The following GJA8 variants were observed in gnomAD, a reference collection of about 807,000 sequenced individuals.
The protein encoded by GJA8 is gap junction alpha-8 protein.
In GJA8, 13 loss-of-function variants were observed where a neutral mutation model predicts 15.3. The observed-to-expected ratio is 0.85, with a 90% CI of 0.55 to 1.35. The LOEUF is 1.35. GJA8 is among the 40% of genes most tolerant of loss of function. The pLI is 0.00. For synonymous variants in GJA8, 304 were observed against 238.7 expected (o/e 1.27, Z -2.52); for missense variants, 607 against 553.3 (o/e 1.10, Z -0.97).
downstream of GJA8, among the ~76,000 whole-genome samples, chr1:147,913,145 T>A (rs1652245781): frequency 6.6e-6 from 1 of 152,100 alleles, no homozygotes; most frequent in African/African-American, 2.4e-5. Context: ...CTATGTTAGT[T>A]GAGGATGATA....
Position 147,909,200 on chromosome 1 carries a change from C to T in GJA8, c.1245C>T (p.Pro415=). The change falls in exon 2 of 2, where the codon CCC becomes CCT. Residue 415 remains proline, a synonymous_variant. Transcript: ENST00000369235. ...CPELTTDDAR[P]LSRLSKASSR... Reference sequence around the variant, plus strand: ...AGCTGACAACAGATGATGCCAGACCCCTGAGCAGGCTAAGCAAAGCCAGCA... The same window carrying T: ...AGCTGACAACAGATGATGCCAGACCTCTGAGCAGGCTAAGCAAAGCCAGCA... 6.2e-7 allele frequency: 1 copy of T among 1,613,500 alleles called. No individual in the cohort carries two copies. The highest frequency in any genetic ancestry group is 8.5e-7 in the Non-Finnish European group (1 of 1,179,690).
downstream of GJA8, among the ~76,000 whole-genome samples, chr1:147,912,865 A>T (rs1553243643): frequency 6.6e-6 from 1 of 151,536 alleles, no homozygotes; most frequent in East Asian, 1.9e-4. Context: ...CTGGCTGTGT[A>T]AACCCTGGCC....
intron 1 of GJA8, among the ~76,000 whole-genome samples, chr1:147,904,560 A>C (rs1274855957): frequency 1.3e-5 from 2 of 152,182 alleles, no homozygotes; most frequent in African/African-American, 4.8e-5. Context: ...CTGTTCACTA[A>C]ATTTTCACAA....
chr1:147,909,371 T>C (rs2149016795), downstream of GJA8: 4 of 829,970 alleles, frequency 4.8e-6, no homozygotes, highest in Middle Eastern at 5.9e-4. Flanking sequence ...CAGCCTCTGG[T>C]TGGACAGGCA....
chr1:147,908,652 C>T lies in GJA8; in HGVS notation c.697C>T (p.Arg233Trp), dbSNP rs140512440. 93 of 1,614,112 alleles carry T rather than the reference C, an allele frequency of 5.8e-5. No individual in the cohort carries two copies. Among genetic ancestry groups the T allele is most frequent in the Admixed American group, 4.0e-4 (24 of 60,020 alleles). Residue 233 changes from arginine (R) to tryptophan (W), a missense_variant, in exon 2 of 2, where the codon CGG (arginine) becomes TGG (tryptophan). Arg to Trp is a moderately radical substitution (Grantham distance 101). Coordinates refer to ENST00000369235, the MANE Select transcript of GJA8 (RefSeq NM_005267.5). ...GGGCCACCTGGGCCTGAAGGGGATC[C>T]GGTCTGCCTTGAAGAGGCCTGTAGA... is the stretch of plus-strand genomic sequence containing the variant. ...ELGHLGLKGI[R>W]SALKRPVEQP...
At position 147,908,914 on chromosome 1, in the gene GJA8, T is replaced by C. The variant is rs1553242912; in HGVS notation, c.959T>C (p.Leu320Pro). ...GDLSRGYQET[L>P]PSYAQVGAQE... ...TTGTCCCGGGGCTACCAAGAGACAC[T>C]GCCTTCCTACGCTCAGGTGGGGGCA... Residue 320 changes from leucine to proline, a missense_variant, in exon 2 of 2, where the codon CTG (leucine) becomes CCG (proline). Transcript: ENST00000369235. 1 of 1,613,076 alleles carries C rather than the reference T, an allele frequency of 6.2e-7. No homozygotes were observed. Among genetic ancestry groups the C allele is most frequent in the Non-Finnish European group, 8.5e-7 (1 of 1,179,254 alleles).
At chr1:147,913,352 C>T (rs1005483091), downstream of GJA8, among the ~76,000 whole-genome samples, 4 of 152,040 alleles carry the variant, frequency 2.6e-5, no homozygotes, top group Admixed American at 2.6e-4. Context: ...GAGCCAATAA[C>T]TAAAGTAAGG....
chr1:147,908,113 T>C lies in GJA8; in HGVS notation c.158T>C (p.Val53Ala). Reference protein sequence around the residue: ...FVWGDEQSDFVCNTQQPGCEN... With the variant: ...FVWGDEQSDFACNTQQPGCEN... Reference sequence around the variant, plus strand: ...TGGGGGGATGAGCAATCCGACTTCGTGTGCAACACCCAGCAGCCTGGCTGC... The same window carrying C: ...TGGGGGGATGAGCAATCCGACTTCGCGTGCAACACCCAGCAGCCTGGCTGC... The change falls in exon 2 of 2, where the codon GTG becomes GCG. Residue 53 changes from valine to alanine, a missense_variant. Coordinates refer to ENST00000369235, the MANE Select transcript of GJA8 (RefSeq NM_005267.5). 6.2e-7 allele frequency: 1 copy of C among 1,614,242 alleles called. No individual in the cohort carries two copies. The highest frequency in any genetic ancestry group is 8.5e-7 in the Non-Finnish European group (1 of 1,180,042).
chr1:147,908,274 A>T lies in GJA8; in HGVS notation c.319A>T (p.Lys107Ter), dbSNP rs782548678. 6.2e-7 allele frequency: 1 copy of T among 1,614,170 alleles called. No individual in the cohort carries two copies. Among genetic ancestry groups the T allele is most frequent in the Non-Finnish European group, 8.5e-7 (1 of 1,180,022 alleles). Residue 107 changes from lysine (K) to a stop codon, truncating the protein, a stop_gained, in exon 2 of 2, where the codon AAA becomes TAA. Coordinates refer to ENST00000369235, the MANE Select transcript of GJA8 (RefSeq NM_005267.5). LOFTEE classifies it high-confidence loss of function. ...CTACGTCCGCATGGAGGAGAAGCGC[A>T]AAAGCCGCGAGGCGGAGGAGCTGGG... ...VHYVRMEEKR[K>*]SREAEELGQQ...
At chr1:147,902,898 C>A (rs1651659990) in intron 1 of GJA8, among the ~76,000 whole-genome samples, 37 bp downstream of exon 1, 1 of 152,172 alleles carries the variant, frequency 6.6e-6, no homozygotes, top group Admixed American at 6.6e-5. Context: ...TTGTAACCTT[C>A]CCCCCAATTG....
chr1:147,903,934 CTT>C (rs56033018), intron 1 of GJA8, among the ~76,000 whole-genome samples: 3 of 134,586 alleles, frequency 2.2e-5, no homozygotes, highest in Non-Finnish European at 1.5e-5. Flanking sequence ...TTTAATAACT[CTT>C]TTTTTTTTTT....
chr1:147,903,422 A>G (rs1651678392), intron 1 of GJA8, among the ~76,000 whole-genome samples: 1 of 152,158 alleles, frequency 6.6e-6, no homozygotes, highest in Non-Finnish European at 1.5e-5. Context: ...TAGAAACTAG[A>G]AAAGAGGCAC....
At chr1:147,913,914 C>T (rs1652279751), downstream of GJA8, among the ~76,000 whole-genome samples, 1 of 152,072 alleles carries the variant, frequency 6.6e-6, no homozygotes, top group Non-Finnish European at 1.5e-5. Context: ...GCGAAATAGG[C>T]AAGGAGACTT....
At chr1:147,911,995 T>C (rs186338894), downstream of GJA8, among the ~76,000 whole-genome samples, 302 of 152,252 alleles carry the variant, frequency 2.0e-3, no homozygotes, top group Non-Finnish European at 2.7e-3. Context: ...GTCTTCCCAA[T>C]AAAAGGAGAA....
At chr1:147,910,628 C>T (rs1199923918), downstream of GJA8, among the ~76,000 whole-genome samples, 1 of 152,180 alleles carries the variant, frequency 6.6e-6, no homozygotes, top group Non-Finnish European at 1.5e-5. Context: ...TTTCTTTATT[C>T]CCCTCTTGCA....
chr1:147,914,046 G>A (rs112280244), downstream of GJA8, among the ~76,000 whole-genome samples: 8 of 152,308 alleles, frequency 5.3e-5, 2 homozygotes, highest in African/African-American at 1.9e-4. Context: ...ATGAAAGACA[G>A]TTCACTCTCC....
Position 147,908,453 on chromosome 1 carries a change from C to T in GJA8, c.498C>T (p.Ile166=), listed in dbSNP as rs1435123500. 7 of 1,614,072 alleles carry T rather than the reference C, an allele frequency of 4.3e-6. No individual in the cohort carries two copies. The African/African-American group carries it at 6.7e-5, about 15-fold the overall frequency. Residue 166 remains isoleucine (I), a synonymous_variant, in exon 2 of 2, where the codon ATC becomes ATT. Coordinates refer to ENST00000369235, the MANE Select transcript of GJA8 (RefSeq NM_005267.5). ...IFKTLFEVGF[I]VGHYFLYGFR... Reference sequence around the variant, plus strand: ...AGACCCTCTTTGAAGTGGGCTTCATCGTGGGCCACTACTTCCTGTACGGGT... The same window carrying T: ...AGACCCTCTTTGAAGTGGGCTTCATTGTGGGCCACTACTTCCTGTACGGGT...
At chr1:147,911,644 C>T (rs587638153), downstream of GJA8, among the ~76,000 whole-genome samples, 6 of 152,196 alleles carry the variant, frequency 3.9e-5, no homozygotes, top group African/African-American at 1.4e-4. Context: ...TAACACAATC[C>T]GAGGCCTGAG....
At chr1:147,905,982 C>T (rs1651782128) in intron 1 of GJA8, among the ~76,000 whole-genome samples, 1 of 152,230 alleles carries the variant, frequency 6.6e-6, no homozygotes, top group Admixed American at 6.5e-5. Context: ...TGCTCTCCCA[C>T]AAGAAGCGAA....
Sources: gnomAD v4.1 joint callset for allele counts (sites outside exome capture counted in the v4.1 genomes callset) on GRCh38, gnomAD v4.1.1 for gene constraint, MANE v1.5 for transcripts, NCBI Gene and HGNC (gene_info 2026-07-23, HGNC 2026-07-21) for gene names.